Variants in CACNA1E observed in about 807,000 individuals in gnomAD.
CACNA1E encodes calcium voltage-gated channel subunit alpha1 E.
A neutral mutation model predicts 259.2 loss-of-function variants in CACNA1E; 40 were observed. The ratio of observed to expected loss-of-function variants is 0.15; its 90% confidence interval spans 0.12 to 0.20. The LOEUF (loss-of-function observed/expected upper bound fraction) is 0.20. Among genes scored for constraint, CACNA1E ranks in the 10% least tolerant of loss-of-function variants. The pLI, the probability that CACNA1E is intolerant of heterozygous loss-of-function variation, is 1.00. For missense variants in CACNA1E, 1,874 were observed against 3,040.1 expected (o/e 0.62, Z 9.02); for synonymous variants, 1,104 against 1,138.5 (o/e 0.97, Z 0.61).
intron 25 of CACNA1E, among the ~76,000 whole-genome samples, chr1:181,740,354 C>T (rs1040834545): frequency 6.6e-5 from 10 of 152,290 alleles, no homozygotes; most frequent in South Asian, 2.1e-4. Flanking sequence ...AAAGAGATCA[C>T]CCTTGGAAGG....
chr1:181,624,187 G>T (rs1403034297), intron 6 of CACNA1E, among the ~76,000 whole-genome samples: 1 of 152,012 alleles, frequency 6.6e-6, no homozygotes. Context: ...ATGGCACCAG[G>T]CATCAAGCTA....
rs34193608 is a variant in CACNA1E at position 181,583,103 on chromosome 1, T to TACACACAC, written c.951+2362_951+2369dup. Reference sequence around the variant, plus strand: ...GTCTGCTACCTGTTTGGACTGTTCCTACACACACACACACACACACACACA... The same window carrying TACACACAC: ...GTCTGCTACCTGTTTGGACTGTTCCTACACACACACACACACACACACACACACACACA... On this transcript the variant is annotated intron_variant, in intron 6 of 47. Transcript: ENST00000367573. Among the ~76,000 whole-genome samples the TACACACAC allele has an allele frequency of 3.9e-3, 570 of 145,084 alleles. 7 individuals are homozygous for TACACACAC. The highest frequency in any genetic ancestry group is 0.01 in the Middle Eastern group (3 of 288).
At chr1:181,486,007 G>T (rs112185532) in intron 1 of CACNA1E, among the ~76,000 whole-genome samples, 1 of 152,252 alleles carries the variant, frequency 6.6e-6, no homozygotes, top group African/African-American at 2.4e-5. Context: ...GCCGGGCCCA[G>T]CCTTGGAGCT....
At chr1:181,409,610 G>T (rs1198152784) in intron 1 of CACNA1E, among the ~76,000 whole-genome samples, 1 of 152,200 alleles carries the variant, frequency 6.6e-6, no homozygotes, top group African/African-American at 2.4e-5. Context: ...GAGGGGGAAG[G>T]CTAAGTATAG....
chr1:181,356,974 G>A (rs1248020776), intron 1 of CACNA1E, among the ~76,000 whole-genome samples: 1 of 152,206 alleles, frequency 6.6e-6, no homozygotes, highest in East Asian at 1.9e-4. Context: ...CAGAGAAGTT[G>A]TGCTTGGGTA....
chr1:181,499,002 C>T (rs1665019320), intron 1 of CACNA1E, among the ~76,000 whole-genome samples: 1 of 152,164 alleles, frequency 6.6e-6, no homozygotes, highest in African/African-American at 2.4e-5. Flanking sequence ...TGAAGCCAAC[C>T]AGCAGAGATC....
chr1:181,401,368 G>A (rs1571773820), intron 1 of CACNA1E, among the ~76,000 whole-genome samples: 1 of 152,086 alleles, frequency 6.6e-6, no homozygotes, highest in Non-Finnish European at 1.5e-5. Context: ...GCCTCCCAGA[G>A]AACCTTATTT....
At chr1:181,673,128 T>C (rs1011535419) in intron 7 of CACNA1E, among the ~76,000 whole-genome samples, 4 of 152,184 alleles carry the variant, frequency 2.6e-5, no homozygotes, top group African/African-American at 9.7e-5. Flanking sequence ...GAAGGAACCA[T>C]GTAGAACGTA....
At chr1:181,460,043 T>A (rs1337729862) in intron 2 of CACNA1E, among the ~76,000 whole-genome samples, 1 of 152,140 alleles carries the variant, frequency 6.6e-6, no homozygotes, top group Non-Finnish European at 1.5e-5. Context: ...TTGCATACCT[T>A]AATAAAGGCA....
intron 6 of CACNA1E, among the ~76,000 whole-genome samples, chr1:181,620,823 G>A (rs1655655713): frequency 6.6e-6 from 1 of 152,158 alleles, no homozygotes; most frequent in Admixed American, 6.5e-5. Flanking sequence ...TAGGAGATTG[G>A]GCTTGAGCTG....
chr1:181,440,425 G>A (rs983464393), intron 2 of CACNA1E, among the ~76,000 whole-genome samples: 3 of 144,818 alleles, frequency 2.1e-5, no homozygotes, highest in Non-Finnish European at 4.6e-5. Context: ...TGGGCAGGGT[G>A]GCCCAGGGGA....
intron 45 of CACNA1E, among the ~76,000 whole-genome samples, chr1:181,794,139 T>C (rs1337999067): frequency 6.6e-6 from 1 of 152,252 alleles, no homozygotes; most frequent in African/African-American, 2.4e-5. Flanking sequence ...ATGCAGTTAC[T>C]TACACACACA....
intron 1 of CACNA1E, among the ~76,000 whole-genome samples, chr1:181,509,830 A>G (rs1245556268): frequency 2.0e-5 from 3 of 152,234 alleles, no homozygotes; most frequent in African/African-American, 7.2e-5. Flanking sequence ...AGATGCAGAC[A>G]CTTAGAAGAA....
rs180853680 is a variant in CACNA1E, at chr1:181,433,474, T to C, written c.434+19894T>C. On this transcript the variant is annotated intron_variant, in intron 2 of 11. Coordinates refer to the CACNA1E transcript ENST00000524607. ...TTTGCATTCCATTGCCTTTAAAATC[T>C]TCAACCACTTAAAAATGTAACAATA... Among the ~76,000 whole-genome samples the C allele has an allele frequency of 2.2e-3, 341 of 152,316 alleles. 2 individuals are homozygous for C. The highest frequency in any genetic ancestry group is 0.014 in the South Asian group (67 of 4,824).
Position 181,483,680 on chromosome 1 carries a change from G to T in CACNA1E, c.-65G>T, listed in dbSNP as rs575309006. The T allele has an allele frequency of 4.2e-6, 5 of 1,188,570 alleles. No individual in the cohort carries two copies. The South Asian group carries it at 4.8e-5, about 12-fold the overall frequency. The allele number at this position is 1,188,570 out of a possible 1,614,324, so 73.6% of individuals were successfully genotyped here. ...TGAGTCTCCGTGTGTCTTTCTGCTT[G>T]TTGCTGTGTGCGGGTGTTCGGCCGC... On this transcript the variant is annotated 5_prime_UTR_variant, in exon 1 of 48. Transcript: ENST00000367573.
intron 7 of CACNA1E, among the ~76,000 whole-genome samples, chr1:181,697,630 T>G (rs1388688136): frequency 2.0e-5 from 3 of 152,232 alleles, no homozygotes; most frequent in Non-Finnish European, 4.4e-5. Context: ...AAAATGCATT[T>G]GTTTATAAAA....
chr1:181,321,707 A>T (rs527474024), intron 1 of CACNA1E, among the ~76,000 whole-genome samples: 38 of 152,266 alleles, frequency 2.5e-4, no homozygotes, highest in African/African-American at 9.1e-4. Flanking sequence ...ACAATAATTT[A>T]CCAGACCAAG....
At chr1:181,746,003 G>A (rs745946062) in intron 25 of CACNA1E, among the ~76,000 whole-genome samples, 13 of 152,146 alleles carry the variant, frequency 8.5e-5, no homozygotes, top group Admixed American at 2.0e-4. Context: ...TGAGGTCCAT[G>A]TGCAAGAGGG....
At chr1:181,749,589 G>A (rs890758116) in intron 25 of CACNA1E, among the ~76,000 whole-genome samples, 5 of 152,206 alleles carry the variant, frequency 3.3e-5, no homozygotes, top group African/African-American at 1.2e-4. Context: ...GTGAAATGGG[G>A]ATAGTGATTC....
Sources: allele counts gnomAD v4.1 joint callset (sites outside exome capture counted in the v4.1 genomes callset), GRCh38; gene constraint gnomAD v4.1.1; transcripts MANE v1.5; gene names NCBI Gene and HGNC (gene_info 2026-07-23, HGNC 2026-07-21).